Variants in FBXO36 observed in about 807,000 individuals in gnomAD.
FBXO36 encodes the protein F-box only protein 36.
A neutral mutation model predicts 17.0 loss-of-function variants in FBXO36; 18 were observed. The ratio of observed to expected loss-of-function variants is 1.06; its 90% confidence interval spans 0.73 to 1.57. The LOEUF (loss-of-function observed/expected upper bound fraction) is 1.57, where lower values mean the gene tolerates loss of function less well. Among genes scored for constraint, FBXO36 ranks in the 40% most tolerant of loss-of-function variants. FBXO36 has a pLI of 0.00. For missense variants in FBXO36, 229 were observed against 221.9 expected (o/e 1.03, Z -0.20); for synonymous variants, 83 against 85.3 (o/e 0.97, Z 0.15).
chr2:230,006,748 G>A (rs1487574930), intron 3 of FBXO36, among the ~76,000 whole-genome samples: 2 of 152,186 alleles, frequency 1.3e-5, no homozygotes, highest in African/African-American at 4.8e-5. Flanking sequence ...AGCCTGTTAA[G>A]AGTGCGGTGT....
intron 1 of FBXO36, among the ~76,000 whole-genome samples, chr2:229,974,181 T>C (rs1476712003): frequency 6.6e-6 from 1 of 152,182 alleles, no homozygotes; most frequent in Non-Finnish European, 1.5e-5. Flanking sequence ...TGTAGAGTGG[T>C]CTAATGGGTT....
At chr2:229,987,139 A>T (rs1227243796) in intron 2 of FBXO36, among the ~76,000 whole-genome samples, 1 of 151,220 alleles carries the variant, frequency 6.6e-6, no homozygotes. Context: ...TGAACCCAGG[A>T]GACAGAGGCT....
intron 1 of FBXO36, among the ~76,000 whole-genome samples, chr2:229,966,274 T>G (rs2077152313): frequency 1.3e-5 from 2 of 152,200 alleles, no homozygotes; most frequent in Non-Finnish European, 2.9e-5. Context: ...AGATTCTGGA[T>G]ATTAGCCCTT....
chr2:229,937,132 G>A (rs991358677), intron 1 of FBXO36, among the ~76,000 whole-genome samples: 2 of 152,070 alleles, frequency 1.3e-5, no homozygotes, highest in Admixed American at 1.3e-4. Context: ...CGATTTCAGC[G>A]ATTTTGTAAG....
At chr2:229,939,765 C>T (rs571991669) in intron 1 of FBXO36, among the ~76,000 whole-genome samples, 27 of 152,296 alleles carry the variant, frequency 1.8e-4, no homozygotes, top group Middle Eastern at 3.4e-3. Flanking sequence ...TTAGCCTTTA[C>T]AGCAGCTCCT....
chr2:229,977,765 T>C (rs1452529344), intron 2 of FBXO36, among the ~76,000 whole-genome samples: 2 of 152,122 alleles, frequency 1.3e-5, no homozygotes, highest in African/African-American at 4.8e-5. Context: ...GGTTTTTAAC[T>C]AACTCCCATG....
chr2:229,935,524 A>G (rs981091537), intron 1 of FBXO36, among the ~76,000 whole-genome samples: 3 of 152,034 alleles, frequency 2.0e-5, no homozygotes, highest in Non-Finnish European at 2.9e-5. Context: ...AAATAAGTAA[A>G]TAAATAAAAA....
chr2:229,970,118 A>C (rs928126609), intron 1 of FBXO36, among the ~76,000 whole-genome samples: 3 of 152,172 alleles, frequency 2.0e-5, no homozygotes, highest in African/African-American at 4.8e-5. Flanking sequence ...GGCAAAAAAA[A>C]CTAAATATTC....
chr2:229,923,514 A>G (rs577367760), intron 1 of FBXO36, among the ~76,000 whole-genome samples: 2 of 152,210 alleles, frequency 1.3e-5, no homozygotes, highest in African/African-American at 2.4e-5. Flanking sequence ...TTTGGTGTGC[A>G]TATTGATCAT....
chr2:229,957,305 G>A (rs1406121111), intron 1 of FBXO36, among the ~76,000 whole-genome samples: 3 of 152,186 alleles, frequency 2.0e-5, no homozygotes, highest in East Asian at 1.9e-4. Context: ...GGCCGGGCAC[G>A]GTGGCTCATG....
At chr2:229,998,024 C>A (rs1253103289) in intron 3 of FBXO36, among the ~76,000 whole-genome samples, 1 of 152,202 alleles carries the variant, frequency 6.6e-6, no homozygotes, top group Non-Finnish European at 1.5e-5. Context: ...AACTGAGGAA[C>A]CCTGACTAGC....
intron 1 of FBXO36, among the ~76,000 whole-genome samples, chr2:229,924,435 A>G (rs1392469397): frequency 2.0e-5 from 3 of 152,058 alleles, no homozygotes; most frequent in East Asian, 1.9e-4. Context: ...ACCTCCTAAC[A>G]TGAGTGGTCA....
intron 3 of FBXO36, among the ~76,000 whole-genome samples, chr2:230,004,372 C>A (rs771686181): frequency 3.2e-4 from 48 of 152,140 alleles, no homozygotes; most frequent in Non-Finnish European, 5.3e-4. Flanking sequence ...GCTTCCATAT[C>A]AATTTTGTTT....
chr2:229,936,212 T>G (rs1252314488), intron 1 of FBXO36, among the ~76,000 whole-genome samples: 1 of 151,734 alleles, frequency 6.6e-6, no homozygotes, highest in Non-Finnish European at 1.5e-5. Flanking sequence ...AACAAAAAAC[T>G]AACTCATCCC....
At chr2:229,970,026 C>T (rs2077173175) in intron 1 of FBXO36, among the ~76,000 whole-genome samples, 1 of 152,048 alleles carries the variant, frequency 6.6e-6, no homozygotes, top group South Asian at 2.1e-4. Context: ...TGGTGAGGAC[C>T]CAGAGAAGCT....
At chr2:229,981,989 G>T (rs1441947839) in intron 2 of FBXO36, among the ~76,000 whole-genome samples, 2 of 151,830 alleles carry the variant, frequency 1.3e-5, no homozygotes, top group Non-Finnish European at 2.9e-5. Context: ...AGAGTGACAG[G>T]GTGAGGTGCC....
At position 229,996,930 on chromosome 2, in the gene FBXO36, G is replaced by T; in HGVS notation, c.378+7G>T. On this transcript the variant is annotated splice_region_variant and intron_variant, in intron 3 of 3. Transcript: ENST00000283946. Reference sequence around the variant, plus strand: ...ATCACACAGATTTGCAAAGGTAACGGTCAATTATTTTATGTCTATATAGAA... The same window carrying T: ...ATCACACAGATTTGCAAAGGTAACGTTCAATTATTTTATGTCTATATAGAA... The T allele has an allele frequency of 6.2e-7, 1 of 1,603,718 alleles. No individual in the cohort carries two copies. The highest frequency in any genetic ancestry group is 8.5e-7 in the Non-Finnish European group (1 of 1,177,026).
chr2:229,949,486 GAA>G (rs1282659249), intron 1 of FBXO36, among the ~76,000 whole-genome samples: 1 of 151,448 alleles, frequency 6.6e-6, no homozygotes, highest in Non-Finnish European at 1.5e-5. Context: ...TAAAGTATAA[GAA>G]GAGATTATAG....
intron 1 of FBXO36, among the ~76,000 whole-genome samples, chr2:229,923,448 C>T (rs567251178): frequency 1.3e-5 from 2 of 152,158 alleles, no homozygotes; most frequent in Admixed American, 1.3e-4. Flanking sequence ...TGCACCCTGC[C>T]CTTTCAATAG....
Sources: allele counts gnomAD v4.1 joint callset (sites outside exome capture counted in the v4.1 genomes callset), GRCh38; gene constraint gnomAD v4.1.1; transcripts MANE v1.5; gene names NCBI Gene and HGNC (gene_info 2026-07-23, HGNC 2026-07-21).